LSM12: variants seen among roughly 807,000 people sequenced by gnomAD.
The protein encoded by LSM12 is LSM12 homolog.
For missense variants in LSM12, 108 were observed against 238.9 expected, an observed-to-expected ratio of 0.45 and a Z score of 3.61; for synonymous variants, 74 against 87.3, an observed-to-expected ratio of 0.85 and a Z score of 0.85.
rs1555623397 is a variant in LSM12 at position 44,036,261 on chromosome 17, G to C, written c.535C>G (p.Leu179Val). The change falls in exon 5 of 5, where the codon CTG (leucine) becomes GTG (valine). Residue 179 changes from leucine (L) to valine (V), a missense_variant. By Grantham distance (32) the Leu-to-Val change is conservative. Coordinates refer to ENST00000293406, the MANE Select transcript of LSM12 (RefSeq NM_001371445.1). Reference sequence around the variant, plus strand: ...GGTTGCTGGGCTTGTGAACGTTGCAGTATCTTTTGGCTTTCCACGTCTCTA... The same window carrying C: ...GGTTGCTGGGCTTGTGAACGTTGCACTATCTTTTGGCTTTCCACGTCTCTA... ...HFRDVESQKI[L>V]QRSQAQQPQK... The C allele has an allele frequency of 6.2e-7, 1 of 1,613,806 alleles. No homozygotes were observed. The highest frequency in any genetic ancestry group is 1.7e-5 in the Admixed American group (1 of 59,932).
rs1162569843 is a variant in LSM12 at position 44,037,504 on chromosome 17, C to T, written c.403G>A (p.Val135Ile). Residue 135 changes from valine to isoleucine, a missense_variant, in exon 4 of 5, where the codon GTA becomes ATA. By Grantham distance (29) the Val-to-Ile change is conservative. Transcript: ENST00000293406. ...KDCKWQEKNI[V>I]VMEEVVITPP... ...GTAATAACAACTTCTTCCATGACTACGATGTTTTTTTCTTGCCATTTACAG... is the reference window on the plus strand; with the variant it reads ...GTAATAACAACTTCTTCCATGACTATGATGTTTTTTTCTTGCCATTTACAG... The T allele has an allele frequency of 1.1e-5, 17 of 1,610,014 alleles. No homozygotes were observed. Among genetic ancestry groups the T allele is most frequent in the Admixed American group, 3.4e-5 (2 of 59,136 alleles).
intron 2 of LSM12, among the ~76,000 whole-genome samples, chr17:44,054,491 G>T (rs1051015499): frequency 6.6e-6 from 1 of 151,970 alleles, no homozygotes; most frequent in Non-Finnish European, 1.5e-5. Flanking sequence ...TGTATTTTTT[G>T]TACAGACAGG....
chr17:44,048,353 G>T (rs1044118834), intron 2 of LSM12, among the ~76,000 whole-genome samples: 6 of 151,674 alleles, frequency 4.0e-5, no homozygotes, highest in African/African-American at 1.5e-4. Flanking sequence ...ACAGTAACAT[G>T]CACCTGTAGT....
At position 44,040,267 on chromosome 17, in the gene LSM12, A is replaced by G. The variant is rs765275728; in HGVS notation, c.259-11T>C. 2.5e-6 allele frequency: 4 copies of G among 1,592,690 alleles called. No homozygotes were observed. The highest frequency in any genetic ancestry group is 2.2e-5 in the South Asian group (2 of 90,578). The stretch of plus-strand genomic sequence containing the variant: ...TGCTTTGCTGGCAAGCTAGGGTGGA[A>G]GAGAGGAAAGAGACTCAGAATAGGA... On this transcript the variant is annotated splice_polypyrimidine_tract_variant and intron_variant, in intron 2 of 4. Coordinates refer to ENST00000293406, the MANE Select transcript of LSM12 (RefSeq NM_001371445.1).
intron 2 of LSM12, among the ~76,000 whole-genome samples, chr17:44,044,390 T>G (rs982726478): frequency 1.3e-5 from 2 of 149,986 alleles, no homozygotes; most frequent in Non-Finnish European, 3.0e-5. Flanking sequence ...TCCCCTAAAG[T>G]CTCCAAAAGC....
At chr17:44,046,182 G>A (rs1159760454) in intron 2 of LSM12, among the ~76,000 whole-genome samples, 5 of 150,614 alleles carry the variant, frequency 3.3e-5, no homozygotes, top group African/African-American at 1.2e-4. Context: ...TGATCCGCCC[G>A]CCTCGGCCTC....
chr17:44,066,056 G>T (rs1385754312), intron 1 of LSM12, among the ~76,000 whole-genome samples: 1 of 152,024 alleles, frequency 6.6e-6, no homozygotes, highest in South Asian at 2.1e-4. Flanking sequence ...CCTACCAGCA[G>T]TTCCTTACCC....
At chr17:44,050,439 A>C (rs1660875645) in intron 2 of LSM12, among the ~76,000 whole-genome samples, 1 of 151,574 alleles carries the variant, frequency 6.6e-6, no homozygotes, top group Non-Finnish European at 1.5e-5. Context: ...AGCAACAAAT[A>C]GGCTCTCAAA....
Position 44,036,226 on chromosome 17 carries a change from C to T in LSM12, c.570G>A (p.Glu190=), listed in dbSNP as rs1332049943. 3 of 1,613,066 alleles carry T rather than the reference C, an allele frequency of 1.9e-6. No individual in the cohort carries two copies. The highest frequency in any genetic ancestry group is 2.5e-6 in the Non-Finnish European group (3 of 1,179,800). The part of the protein sequence containing the change: ...QRSQAQQPQK[E]AALSS ...TACGGACTCAGGATGACAGGGCAGC[C>T]TCCTTCTGTGGTTGCTGGGCTTGTG... Residue 190 remains glutamate (E), a synonymous_variant, in exon 5 of 5, where the codon GAG becomes GAA. Transcript: ENST00000293406.
At chr17:44,050,655 G>T (rs527581767) in intron 2 of LSM12, among the ~76,000 whole-genome samples, 1 of 152,116 alleles carries the variant, frequency 6.6e-6, no homozygotes, top group South Asian at 2.1e-4. Flanking sequence ...AGAGTAGCTG[G>T]TATTACAGGC....
chr17:44,045,447 T>C (rs1309738370), intron 2 of LSM12, among the ~76,000 whole-genome samples: 1 of 152,220 alleles, frequency 6.6e-6, no homozygotes, highest in African/African-American at 2.4e-5. Flanking sequence ...ATCCATTTTG[T>C]TTCATGTACC....
chr17:44,040,872 C>T (rs965189049), intron 2 of LSM12, among the ~76,000 whole-genome samples: 3 of 151,460 alleles, frequency 2.0e-5, no homozygotes, highest in Non-Finnish European at 4.4e-5. Context: ...GTAATCCCAG[C>T]TACTTGGGAG....
At chr17:44,062,704 T>G (rs901342699) in intron 2 of LSM12, among the ~76,000 whole-genome samples, 1 of 151,940 alleles carries the variant, frequency 6.6e-6, no homozygotes, top group African/African-American at 2.4e-5. Flanking sequence ...CTGGCCAGCA[T>G]GGTGAAACCC....
chr17:44,063,739 G>C (rs113416449), intron 2 of LSM12, 62 bp downstream of exon 2: 3 of 1,523,840 alleles, frequency 2.0e-6, no homozygotes, highest in Non-Finnish European at 2.7e-6. Flanking sequence ...GTATCACTAA[G>C]ACTCAATGAG....
chr17:44,064,717 A>C (rs2049846545), intron 1 of LSM12, among the ~76,000 whole-genome samples: 1 of 147,676 alleles, frequency 6.8e-6, no homozygotes, highest in African/African-American at 2.5e-5. Flanking sequence ...TAGGTGACAG[A>C]GCGAGACTCC....
rs955417330 is a variant in LSM12 at position 44,064,071 on chromosome 17, C to T, written c.125-137G>A. 15 of 912,988 alleles carry T rather than the reference C, an allele frequency of 1.6e-5. No homozygotes were observed. The Admixed American group carries it at 2.3e-4, about 14-fold the overall frequency. 56.6% of individuals were successfully genotyped at this position (912,988 alleles called of 1,614,324 possible). A position where few individuals can be genotyped will look rare whatever the true frequency, so the allele number is the denominator to read the frequency against. ...GAGCATGAGGGCCTTATAAGAATCA[C>T]GGTTCTCCTCAGGAAATCTCTGCCT... On this transcript the variant is annotated intron_variant, in intron 1 of 4. Transcript: ENST00000293406.
intron 1 of LSM12, among the ~76,000 whole-genome samples, chr17:44,064,546 A>G (rs924942331): frequency 6.6e-6 from 1 of 151,994 alleles, no homozygotes; most frequent in African/African-American, 2.4e-5. Flanking sequence ...CAGCCTGGCC[A>G]AAGTGGCAAA....
At chr17:44,052,674 G>A (rs1456964654) in intron 2 of LSM12, among the ~76,000 whole-genome samples, 3 of 151,876 alleles carry the variant, frequency 2.0e-5, no homozygotes, top group East Asian at 1.9e-4. Context: ...CAGGAGAATC[G>A]CTTGAACCCG....
At position 44,063,722 on chromosome 17, in the gene LSM12, C is replaced by T. The variant is rs529151149; in HGVS notation, c.258+79G>A. Reference sequence around the variant, plus strand: ...TCAATTTTAAAAAATAAAAAATAGACAACAATGTATCACTAAGACTCAATG... The same window carrying T: ...TCAATTTTAAAAAATAAAAAATAGATAACAATGTATCACTAAGACTCAATG... On this transcript the variant is annotated intron_variant, in intron 2 of 4. Transcript: ENST00000293406. 16 of 1,392,236 alleles carry T rather than the reference C, an allele frequency of 1.1e-5. 1 individual carries two copies. The South Asian group carries it at 3.0e-4, about 26-fold the overall frequency. The allele number at this position is 1,392,236 out of a possible 1,614,324, so 86.2% of individuals were successfully genotyped here. A position where few individuals can be genotyped will look rare whatever the true frequency, so the allele number is the denominator to read the frequency against.
Sources: gnomAD v4.1 joint callset for allele counts (sites outside exome capture counted in the v4.1 genomes callset) on GRCh38, gnomAD v4.1.1 for gene constraint, MANE v1.5 for transcripts, NCBI Gene and HGNC (gene_info 2026-07-23, HGNC 2026-07-21) for gene names.